DCHS1: variants seen among roughly 807,000 people sequenced by gnomAD.
DCHS1 encodes protocadherin-16.
A neutral mutation model predicts 213.9 loss-of-function variants in DCHS1; 78 were observed. The observed-to-expected ratio is 0.36, with a 90% CI of 0.30 to 0.44. DCHS1 has a LOEUF of 0.44. Ranked by LOEUF, DCHS1 falls within the 20% of genes least tolerant of loss-of-function variation. DCHS1 has a pLI of 1.00. For synonymous variants in DCHS1, 1,828 were observed against 1,873.7 expected (o/e 0.98, Z 0.63); for missense variants, 3,946 against 4,395.9 (o/e 0.90, Z 2.89).
In DCHS1 at chr11:6,635,922, C is replaced by T. The variant is rs1855979816; in HGVS notation, c.1798-1616G>A. The stretch of plus-strand genomic sequence containing the variant: ...GTACAACCCCTGCTCAGAGGTTTCA[C>T]TGCAAATACAGTCTCCATTTTCAGC... On this transcript the variant is annotated intron_variant, in intron 2 of 20. Transcript: ENST00000299441. 1.3e-5 allele frequency among the ~76,000 whole-genome samples: 2 copies of T among 152,236 alleles called. 1 individual carries two copies. The highest frequency in any genetic ancestry group is 4.1e-4 in the South Asian group (2 of 4,838).
rs769187993 is a variant in DCHS1, at chr11:6,622,079, G to A, written c.9597C>T (p.Ile3199=). The A allele has an allele frequency of 1.1e-5, 17 of 1,611,886 alleles. No individual in the cohort carries two copies. Among genetic ancestry groups the A allele is most frequent in the African/African-American group, 9.4e-5 (7 of 74,644 alleles). The change falls in exon 21 of 21, where the codon ATC becomes ATT. Residue 3199 remains isoleucine (I), a synonymous_variant. Transcript: ENST00000299441. The surrounding 1 kb of genome is among the most constrained non-coding windows in gnomAD (Gnocchi z 5.4). ...EARPCPPAPR[I]DPPPLITAVA... is the part of the protein sequence containing the mutation. ...CGGCAGTGATGAGGGGTGGTGGGTC[G>A]ATACGGGGAGCTGGGGGACATGGCC...
intron 1 of DCHS1, among the ~76,000 whole-genome samples, chr11:6,643,677 T>A (rs554146833): frequency 6.6e-6 from 1 of 152,340 alleles, no homozygotes; most frequent in Admixed American, 6.5e-5. Context: ...CGTGATCTTA[T>A]CCACTCCCAT....
In DCHS1 at chr11:6,631,722, G is replaced by A; in HGVS notation, c.3569C>T (p.Pro1190Leu). ...ATGCACAGTGCCTGTGGTGCTGCGG[G>A]GTGGGCTCCCTCCATCCTGCACCTG... ...LVQVQDGGSP[P>L]RSTTGTVHVA... is the part of the protein sequence containing the mutation. Residue 1190 changes from proline (P) to leucine (L), a missense_variant, in exon 7 of 21, where the codon CCC becomes CTC. Coordinates refer to ENST00000299441, the MANE Select transcript of DCHS1 (RefSeq NM_003737.4). 6.2e-7 allele frequency: 1 copy of A among 1,610,014 alleles called. No homozygotes were observed. Among genetic ancestry groups the A allele is most frequent in the Non-Finnish European group, 8.5e-7 (1 of 1,177,898 alleles).
chr11:6,651,822 G>A (rs1856246511), intron 1 of DCHS1, among the ~76,000 whole-genome samples: 1 of 152,176 alleles, frequency 6.6e-6, no homozygotes, highest in African/African-American at 2.4e-5. Context: ...ACCTGAGTGG[G>A]GATGGTCATT....
In DCHS1 at chr11:6,636,094, G is replaced by T. The variant is rs974394355; in HGVS notation, c.1798-1788C>A. 1.1e-4 allele frequency among the ~76,000 whole-genome samples: 17 copies of T among 152,270 alleles called. No homozygotes were observed. The South Asian group carries it at 3.5e-3, about 32-fold the overall frequency. On this transcript the variant is annotated intron_variant, in intron 2 of 20. Coordinates refer to ENST00000299441, the MANE Select transcript of DCHS1 (RefSeq NM_003737.4). ...TGCACTATTTCAAGGAGAAAAGAAA[G>T]ACACTTATCTGTGAACTCTCTAAAC... is the stretch of plus-strand genomic sequence containing the variant.
chr11:6,653,979 T>G lies in DCHS1; in HGVS notation c.-121+1584A>C, dbSNP rs576884594. 1.1e-4 allele frequency among the ~76,000 whole-genome samples: 17 copies of G among 152,098 alleles called. 1 individual carries two copies. The South Asian group carries it at 2.3e-3, about 20-fold the overall frequency. On this transcript the variant is annotated intron_variant, in intron 1 of 20. Coordinates refer to ENST00000299441, the MANE Select transcript of DCHS1 (RefSeq NM_003737.4). ...AAGGTGGAATAGTTCTACAGAGTGG[T>G]CCTGGGAGGGAGGAAGGTAACAGGA... is the stretch of plus-strand genomic sequence containing the variant.
chr11:6,625,876 A>G lies in DCHS1; in HGVS notation c.6731+44T>C. On this transcript the variant is annotated intron_variant, in intron 17 of 20. Coordinates refer to ENST00000299441, the MANE Select transcript of DCHS1 (RefSeq NM_003737.4). The surrounding 1 kb of genome is among the most constrained non-coding windows in gnomAD (Gnocchi z 5.3). ...AGTTCAAGGCAGGGCTTGAAACTGG[A>G]CAGGCCCAAGATGGGGTCTTGGGTC... 5.6e-6 allele frequency: 9 copies of G among 1,604,236 alleles called. No homozygotes were observed. The highest frequency in any genetic ancestry group is 6.8e-6 in the Non-Finnish European group (8 of 1,175,520).
intron 1 of DCHS1, among the ~76,000 whole-genome samples, chr11:6,645,471 C>T (rs1856141551): frequency 6.6e-6 from 1 of 152,192 alleles, no homozygotes; most frequent in Non-Finnish European, 1.5e-5. Context: ...GCTTATCATA[C>T]TCTGTATTAT....
At chr11:6,653,282 C>G (rs553699269) in intron 1 of DCHS1, among the ~76,000 whole-genome samples, 1 of 152,280 alleles carries the variant, frequency 6.6e-6, no homozygotes, top group African/African-American at 2.4e-5. Context: ...TATTCTCCAC[C>G]CACTCCATCA....
Position 6,627,710 on chromosome 11 carries a change from G to A in DCHS1, c.5372-43C>T, listed in dbSNP as rs1160264561. On this transcript the variant is annotated intron_variant, in intron 13 of 20. Coordinates refer to ENST00000299441, the MANE Select transcript of DCHS1 (RefSeq NM_003737.4). This position sits in a 1 kb window ranked among gnomAD's most constrained non-coding sequence, Gnocchi z 5.4. ...CACATATAAATATACATGTGTCGTG[G>A]GGATGGGGGTGATTTACAGACAACA... 1 of 1,574,962 alleles carries A rather than the reference G, an allele frequency of 6.3e-7. No homozygotes were observed. The highest frequency in any genetic ancestry group is 1.8e-4 in the Middle Eastern group (1 of 5,592).
Position 6,628,224 on chromosome 11 carries a change from C to A in DCHS1, c.5371+397G>T, listed in dbSNP as rs1177102970. Among the ~76,000 whole-genome samples, 1 of 152,202 alleles carries A rather than the reference C, an allele frequency of 6.6e-6. No individual in the cohort carries two copies. Among genetic ancestry groups the A allele is most frequent in the Admixed American group, 6.5e-5 (1 of 15,276 alleles). ...CACAGAAATACTGGCAAGCTGTATACTTCATTGGCTTGTTTCACAATCATA... is the reference window on the plus strand; with the variant it reads ...CACAGAAATACTGGCAAGCTGTATAATTCATTGGCTTGTTTCACAATCATA... On this transcript the variant is annotated intron_variant, in intron 13 of 20. Coordinates refer to ENST00000299441, the MANE Select transcript of DCHS1 (RefSeq NM_003737.4). The surrounding 1 kb of genome is among the most constrained non-coding windows in gnomAD (Gnocchi z 4.3).
Position 6,633,455 on chromosome 11 carries a change from T to A in DCHS1, c.2412A>T (p.Ala804=). The change falls in exon 5 of 21, where the codon GCA becomes GCT. Residue 804 remains alanine (A), a synonymous_variant. Coordinates refer to ENST00000299441, the MANE Select transcript of DCHS1 (RefSeq NM_003737.4). ...QYVFSVPEDV[A]PGTSVGIVQA... ...GGACTATGCCCACACTGGTGCCTGGTGCCACATCCTCTGGCACAGAAAAAA... is the reference window on the plus strand; with the variant it reads ...GGACTATGCCCACACTGGTGCCTGGAGCCACATCCTCTGGCACAGAAAAAA... The A allele has an allele frequency of 6.4e-7, 1 of 1,568,822 alleles. No individual in the cohort carries two copies. The highest frequency in any genetic ancestry group is 8.7e-7 in the Non-Finnish European group (1 of 1,155,932).
Position 6,628,586 on chromosome 11 carries a change from G to A in DCHS1, c.5371+35C>T, listed in dbSNP as rs750513627. 81 of 1,609,662 alleles carry A rather than the reference G, an allele frequency of 5.0e-5. 1 individual carries two copies. Among genetic ancestry groups the A allele is most frequent in the Non-Finnish European group, 6.3e-5 (74 of 1,176,808 alleles). ...AGAAGGAGCAAGAACCAGGCAAGTG[G>A]GTGCTGAATTAAGTGGGAGTGGGAA... is the stretch of plus-strand genomic sequence containing the variant. On this transcript the variant is annotated intron_variant, in intron 13 of 20. Coordinates refer to ENST00000299441, the MANE Select transcript of DCHS1 (RefSeq NM_003737.4). This position sits in a 1 kb window ranked among gnomAD's most constrained non-coding sequence, Gnocchi z 4.3.
chr11:6,641,506 C>T lies in DCHS1; in HGVS notation c.108G>A (p.Gly36=), dbSNP rs772810887. ...LLLLLLLLGA[G]VPGAWGQAGS... ...CAGCCTGACCCCAGGCACCTGGCAC[C>T]CCAGCCCCCAGCAGCAGCAGCAGCA... is the stretch of plus-strand genomic sequence containing the variant. The change falls in exon 2 of 21, where the codon GGG becomes GGA. Residue 36 remains glycine (G), a synonymous_variant. Transcript: ENST00000299441. The surrounding 1 kb of genome is among the most constrained non-coding windows in gnomAD (Gnocchi z 7.1). 1 of 1,559,266 alleles carries T rather than the reference C, an allele frequency of 6.4e-7. No individual in the cohort carries two copies. Among genetic ancestry groups the T allele is most frequent in the South Asian group, 1.2e-5 (1 of 85,228 alleles).
In DCHS1 at chr11:6,624,030, C is replaced by A; in HGVS notation, c.7646G>T (p.Arg2549Leu). The A allele has an allele frequency of 1.2e-6, 2 of 1,613,534 alleles. No homozygotes were observed. The highest frequency in any genetic ancestry group is 1.7e-6 in the Non-Finnish European group (2 of 1,179,838). Residue 2549 changes from arginine (R) to leucine (L), a missense_variant, in exon 21 of 21, where the codon CGG (arginine) becomes CTG (leucine). By Grantham distance (102) the Arg-to-Leu change is moderately radical (BLOSUM62 -2). Around this residue, in one of 3 missense-constraint regions of DCHS1, gnomAD observed 3,384 missense variants for 3,780.1 expected, o/e 0.90. Coordinates refer to ENST00000299441, the MANE Select transcript of DCHS1 (RefSeq NM_003737.4). The stretch of plus-strand genomic sequence containing the variant: ...AAGCAACACCAGGCAGCCCAGTGCC[C>A]GGGGGCCTGGTCCAGCACTCTCCCC... ...EAGESAGPGP[R>L]ALGCLVLLEP...
rs1370251292 is a variant in DCHS1 at position 6,640,783 on chromosome 11, C to G, written c.831G>C (p.Val277=). ...SLAPGSPVLQ[V]FASDADAGVN... ...CACCAGCATCGGCATCAGATGCGAA[C>G]ACCTGCAAGACAGGACTGCCAGGGG... The change falls in exon 2 of 21, where the codon GTG becomes GTC. Residue 277 remains valine, a synonymous_variant. Coordinates refer to ENST00000299441, the MANE Select transcript of DCHS1 (RefSeq NM_003737.4). This position sits in a 1 kb window ranked among gnomAD's most constrained non-coding sequence, Gnocchi z 6.5. 1 of 1,614,076 alleles carries G rather than the reference C, an allele frequency of 6.2e-7. No individual in the cohort carries two copies. Among genetic ancestry groups the G allele is most frequent in the Admixed American group, 1.7e-5 (1 of 60,032 alleles).
At position 6,642,376 on chromosome 11, in the gene DCHS1, G is replaced by C. The variant is rs555903018; in HGVS notation, c.-120-643C>G. On this transcript the variant is annotated intron_variant, in intron 1 of 20. Transcript: ENST00000299441. Reference sequence around the variant, plus strand: ...AGTTGAACAAGTAATTACAAGTATGGTAAGAGTTGTGAAGAAGGCGTACAA... The same window carrying C: ...AGTTGAACAAGTAATTACAAGTATGCTAAGAGTTGTGAAGAAGGCGTACAA... Among the ~76,000 whole-genome samples, 5 of 152,314 alleles carry C rather than the reference G, an allele frequency of 3.3e-5. No individual in the cohort carries two copies. The South Asian group carries it at 1.0e-3, about 32-fold the overall frequency.
At chr11:6,643,444 T>C (rs760158580) in intron 1 of DCHS1, among the ~76,000 whole-genome samples, 2 of 152,206 alleles carry the variant, frequency 1.3e-5, no homozygotes, top group Non-Finnish European at 2.9e-5. Flanking sequence ...ATCTTCCTTT[T>C]ATCGGGTTAT....
chr11:6,630,679 C>G lies in DCHS1; in HGVS notation c.4115G>C (p.Gly1372Ala), dbSNP rs1336970573. ...CGCGAAGGTGCCCTCGGGATCGGCA[C>G]CGCCCACCAGTGTGTAGGTGAGTGC... is the stretch of plus-strand genomic sequence containing the variant. The part of the protein sequence containing the change: ...VGALTYTLVG[G>A]ADPEGTFALD... The change falls in exon 10 of 21, where the codon GGT becomes GCT. Residue 1372 changes from glycine to alanine, a missense_variant. This residue lies in a region of DCHS1 where 3,384 missense variants were observed against 3,780.1 expected (regional missense o/e 0.90). Transcript: ENST00000299441. 6.5e-7 allele frequency: 1 copy of G among 1,534,656 alleles called. No individual in the cohort carries two copies. The highest frequency in any genetic ancestry group is 2.0e-5 in the Admixed American group (1 of 50,272).
Sources: allele counts gnomAD v4.1 joint callset (sites outside exome capture counted in the v4.1 genomes callset), GRCh38; gene constraint gnomAD v4.1.1; regional missense constraint gnomAD v4.1.1; non-coding constraint Gnocchi (gnomAD v3.1); transcripts MANE v1.5; gene names NCBI Gene and HGNC (gene_info 2026-07-23, HGNC 2026-07-21).